AP2S1: variants seen among roughly 807,000 people sequenced by gnomAD.
AP2S1 encodes adaptor related protein complex 2 subunit sigma 1.
A neutral mutation model predicts 21.0 loss-of-function variants in AP2S1; 6 were observed. The ratio of observed to expected loss-of-function variants is 0.29; its 90% CI spans 0.16 to 0.56. The LOEUF (loss-of-function observed/expected upper bound fraction) is 0.56. Among genes scored for constraint, AP2S1 ranks in the 20% least tolerant of loss-of-function variants. The probability of loss-of-function intolerance (pLI) is 0.92; values close to 1 mark genes in which losing one functional copy is unlikely to be tolerated. For missense variants in AP2S1, 60 were observed against 186.2 expected (o/e 0.32, Z 3.95); for synonymous variants, 63 against 74.6 (o/e 0.84, Z 0.80).
At chr19:46,843,249 C>A (rs1568446953) in intron 2 of AP2S1, among the ~76,000 whole-genome samples, 1 of 152,188 alleles carries the variant, frequency 6.6e-6, no homozygotes, top group East Asian at 1.9e-4. Context: ...GGCTTCCATG[C>A]TGGTCCGGTC....
At chr19:46,849,241 T>C (rs2055691363) in intron 1 of AP2S1, among the ~76,000 whole-genome samples, 1 of 147,658 alleles carries the variant, frequency 6.8e-6, no homozygotes, top group African/African-American at 2.5e-5. Context: ...CCTGACCTTA[T>C]GTGATCCGCC....
intron 3 of AP2S1, among the ~76,000 whole-genome samples, 197 bp downstream of exon 3, chr19:46,839,268 C>T (rs1322254131): frequency 2.1e-5 from 2 of 97,034 alleles, no homozygotes; most frequent in Non-Finnish European, 4.1e-5. Context: ...GCCTGGGCGA[C>T]AGAACAAGAC....
rs758166766 is a variant in AP2S1, at chr19:46,850,792, G to A, written c.-26C>T. 4.5e-6 allele frequency: 7 copies of A among 1,562,818 alleles called. No individual in the cohort carries two copies. The highest frequency in any genetic ancestry group is 6.1e-6 in the Non-Finnish European group (7 of 1,153,964). ...GGCGACCCCCGTCCAGACCCCAGCGGCCCCGGTCCCGCGGCGACTGGGCAG... is the reference window on the plus strand; with the variant it reads ...GGCGACCCCCGTCCAGACCCCAGCGACCCCGGTCCCGCGGCGACTGGGCAG... On this transcript the variant is annotated 5_prime_UTR_variant, in exon 1 of 5. Transcript: ENST00000263270.
chr19:46,839,850 T>C (rs2055486727), intron 2 of AP2S1, among the ~76,000 whole-genome samples: 1 of 151,706 alleles, frequency 6.6e-6, no homozygotes. Flanking sequence ...CAGGAGGGCT[T>C]CCTGGAGGAG....
At chr19:46,842,789 C>T (rs1242695500) in intron 2 of AP2S1, among the ~76,000 whole-genome samples, 1 of 152,120 alleles carries the variant, frequency 6.6e-6, no homozygotes, top group African/African-American at 2.4e-5. Context: ...TAAGTCCAAC[C>T]CTGTCCCCCT....
intron 2 of AP2S1, among the ~76,000 whole-genome samples, chr19:46,841,067 C>G (rs2055512563): frequency 6.6e-6 from 1 of 152,064 alleles, no homozygotes; most frequent in Non-Finnish European, 1.5e-5. Context: ...AATTCTCCTG[C>G]CTCAGCCTCC....
At chr19:46,847,495 G>A (rs571470330) in intron 1 of AP2S1, among the ~76,000 whole-genome samples, 5 of 152,136 alleles carry the variant, frequency 3.3e-5, no homozygotes, top group African/African-American at 9.6e-5. Flanking sequence ...TGCATCAGGC[G>A]TGAGCCACTG....
chr19:46,846,233 G>T (rs1008804046), intron 1 of AP2S1, 91 bp from the exon 2 acceptor site: 4 of 1,519,168 alleles, frequency 2.6e-6, no homozygotes, highest in East Asian at 2.3e-5. Flanking sequence ...CACCCAGAGG[G>T]GAGATAGGGC....
chr19:46,846,441 G>GTTTTTTT lies in AP2S1; in HGVS notation c.4-306_4-300dup, dbSNP rs1229404009. On this transcript the variant is annotated intron_variant, in intron 1 of 4. Transcript: ENST00000263270. ...CCTCCACCACCTCTTATCTCTCTCTGTTTTTTTTTTTTTTTTTTTTTGTAG... is the reference window on the plus strand; with the variant it reads ...CCTCCACCACCTCTTATCTCTCTCTGTTTTTTTTTTTTTTTTTTTTTTTTTTTTGTAG... 7.0e-4 allele frequency among the ~76,000 whole-genome samples: 73 copies of GTTTTTTT among 104,664 alleles called. 1 individual carries two copies. The highest frequency in any genetic ancestry group is 2.9e-3 in the African/African-American group (70 of 23,750). 68.7% of individuals were successfully genotyped at this position (104,664 alleles called of 152,430 possible). A position where few individuals can be genotyped will look rare whatever the true frequency, so the allele number is the denominator to read the frequency against.
chr19:46,839,439 C>CCCCCCAAAAA, intron 3 of AP2S1, 26 bp downstream of exon 3: 1 of 1,569,712 alleles, frequency 6.4e-7, no homozygotes, highest in Non-Finnish European at 8.7e-7. Context: ...CCCGCCTCCC[C>CCCCCCAAAAA]ACCTTACATC....
intron 1 of AP2S1, among the ~76,000 whole-genome samples, chr19:46,847,662 GT>G (rs2055660948): frequency 6.6e-6 from 1 of 152,084 alleles, no homozygotes; most frequent in South Asian, 2.1e-4. Context: ...GGATGTGTCT[GT>G]TCTGGACATT....
At chr19:46,848,709 G>A (rs59712405) in intron 1 of AP2S1, among the ~76,000 whole-genome samples, 27,973 of 151,992 alleles carry the variant, frequency 0.18, 3,229 homozygotes, top group Middle Eastern at 0.28. Context: ...CTCTAGTCCT[G>A]TCTTTTTCTT....
intron 1 of AP2S1, among the ~76,000 whole-genome samples, chr19:46,848,902 A>G (rs1369739688): frequency 6.6e-6 from 1 of 151,334 alleles, no homozygotes; most frequent in Non-Finnish European, 1.5e-5. Context: ...TAGTAGAGAC[A>G]GGGTTTCACC....
At position 46,850,786 on chromosome 19, in the gene AP2S1, C is replaced by T; in HGVS notation, c.-20G>A. ...TACCATGGCGACCCCCGTCCAGACC[C>T]CAGCGGCCCCGGTCCCGCGGCGACT... On this transcript the variant is annotated 5_prime_UTR_variant, in exon 1 of 5. Transcript: ENST00000263270. 1 of 1,571,000 alleles carries T rather than the reference C, an allele frequency of 6.4e-7. No homozygotes were observed. The highest frequency in any genetic ancestry group is 8.6e-7 in the Non-Finnish European group (1 of 1,157,906).
Position 46,838,435 on chromosome 19 carries a change from G to T in AP2S1, c.*12C>A, listed in dbSNP as rs370779518. 46 of 1,613,362 alleles carry T rather than the reference G, an allele frequency of 2.9e-5. No homozygotes were observed. The highest frequency in any genetic ancestry group is 2.7e-4 in the East Asian group (12 of 44,876). ...CAGGAGGGGCCGGGGCCGGGGTGGGGCTCGCCTGCCCTCACTCCAGGGACT... is the reference window on the plus strand; with the variant it reads ...CAGGAGGGGCCGGGGCCGGGGTGGGTCTCGCCTGCCCTCACTCCAGGGACT... On this transcript the variant is annotated 3_prime_UTR_variant, in exon 5 of 5. Coordinates refer to ENST00000263270, the MANE Select transcript of AP2S1 (RefSeq NM_004069.6). This position sits in a 1 kb window ranked among gnomAD's most constrained non-coding sequence, Gnocchi z 4.1.
chr19:46,839,227 C>T (rs1435601178), intron 3 of AP2S1, among the ~76,000 whole-genome samples: 1 of 125,778 alleles, frequency 8.0e-6, no homozygotes, highest in Non-Finnish European at 1.6e-5. Context: ...GTGGAGGCTG[C>T]AATGAGCCAA....
chr19:46,850,020 C>T, intron 1 of AP2S1: 1 of 966,780 alleles, frequency 1.0e-6, no homozygotes, highest in Non-Finnish European at 1.3e-6. Context: ...TTTGCCCCAA[C>T]AAAGATTCCT....
At chr19:46,850,393 G>A in intron 1 of AP2S1, 2 of 1,227,022 alleles carry the variant, frequency 1.6e-6, no homozygotes, top group Non-Finnish European at 1.0e-6. Context: ...CACACTTCCA[G>A]AGCGCCTTCC....
chr19:46,846,244 TC>T (rs1388097988), intron 1 of AP2S1, 102 bp from the exon 2 acceptor site: 2 of 1,438,830 alleles, frequency 1.4e-6, no homozygotes, highest in Non-Finnish European at 1.9e-6. Flanking sequence ...GAGATAGGGC[TC>T]AGGGCCTCCC....
Sources: gnomAD v4.1 joint callset for allele counts (sites outside exome capture counted in the v4.1 genomes callset) on GRCh38, gnomAD v4.1.1 for gene constraint, Gnocchi (gnomAD v3.1) non-coding constraint, MANE v1.5 for transcripts, NCBI Gene and HGNC (gene_info 2026-07-23, HGNC 2026-07-21) for gene names.